Variants in ELOVL6 observed in about 807,000 individuals in gnomAD.
The protein encoded by ELOVL6 is ELOVL fatty acid elongase 6, also known as very long chain fatty acid elongase 6.
ELOVL6 carries 8 observed loss-of-function variants against 31.7 expected under a neutral mutation model. The observed-to-expected ratio is 0.25, with a 90% CI of 0.15 to 0.45. The LOEUF is 0.45. Ranked by LOEUF, ELOVL6 falls within the 20% of genes least tolerant of loss-of-function variation. The probability of loss-of-function intolerance (pLI) is 1.00; values close to 1 mark genes in which losing one functional copy is unlikely to be tolerated. For synonymous variants in ELOVL6, 101 were observed against 117.7 expected, an observed-to-expected ratio of 0.86 and a Z score of 0.92; for missense variants, 126 against 326.4, an observed-to-expected ratio of 0.39 and a Z score of 4.73.
intron 1 of ELOVL6, among the ~76,000 whole-genome samples, chr4:110,160,264 C>T (rs1474230321): frequency 6.6e-6 from 1 of 152,130 alleles, no homozygotes; most frequent in African/African-American, 2.4e-5. Context: ...TCTCCTTGGC[C>T]TTGAATTTCA....
chr4:110,084,332 T>C (rs1223103798), intron 2 of ELOVL6, among the ~76,000 whole-genome samples: 1 of 134,672 alleles, frequency 7.4e-6, no homozygotes, highest in Admixed American at 8.0e-5. Context: ...ATTTGATATA[T>C]ATCACATATA....
chr4:110,071,011 C>T (rs1208482312), intron 2 of ELOVL6, among the ~76,000 whole-genome samples: 1 of 152,106 alleles, frequency 6.6e-6, no homozygotes, highest in Non-Finnish European at 1.5e-5. Flanking sequence ...TGTATAGAGT[C>T]TTCCCCCAAC....
At chr4:110,102,446 G>A (rs1303411376) in intron 2 of ELOVL6, among the ~76,000 whole-genome samples, 3 of 152,114 alleles carry the variant, frequency 2.0e-5, no homozygotes, top group African/African-American at 7.2e-5. Context: ...GAATGGTAAA[G>A]ATTGTTTGTG....
intron 2 of ELOVL6, among the ~76,000 whole-genome samples, chr4:110,098,663 C>T (rs945629847): frequency 1.3e-5 from 2 of 151,996 alleles, no homozygotes; most frequent in African/African-American, 2.4e-5. Flanking sequence ...GTAGTATTAA[C>T]GAGTTTTTAA....
At chr4:110,181,787 G>A (rs921526514) in intron 1 of ELOVL6, among the ~76,000 whole-genome samples, 3 of 152,210 alleles carry the variant, frequency 2.0e-5, no homozygotes, top group Non-Finnish European at 4.4e-5. Context: ...TCACAAAGCA[G>A]TCCTGTGGAA....
At chr4:110,141,553 T>G (rs1316843444) in intron 1 of ELOVL6, among the ~76,000 whole-genome samples, 1 of 151,588 alleles carries the variant, frequency 6.6e-6, no homozygotes, top group African/African-American at 2.4e-5. Flanking sequence ...CTACAGATGA[T>G]GGAGAAAAAC....
chr4:110,075,159 G>A (rs1338432735), intron 2 of ELOVL6, among the ~76,000 whole-genome samples: 1 of 152,160 alleles, frequency 6.6e-6, no homozygotes, highest in Non-Finnish European at 1.5e-5. Context: ...GAACCCATGT[G>A]CACTGTTGGA....
chr4:110,065,052 C>T (rs1755257047), intron 2 of ELOVL6, among the ~76,000 whole-genome samples: 1 of 152,130 alleles, frequency 6.6e-6, no homozygotes, highest in South Asian at 2.1e-4. Context: ...GGGGAGGGGG[C>T]AGTTTCTACA....
At chr4:110,154,471 T>C (rs1001244670) in intron 1 of ELOVL6, among the ~76,000 whole-genome samples, 1 of 152,070 alleles carries the variant, frequency 6.6e-6, no homozygotes, top group Non-Finnish European at 1.5e-5. Context: ...GCCAGGCTGG[T>C]CGTGAACTCC....
chr4:110,192,226 A>T (rs1047740636), intron 1 of ELOVL6, among the ~76,000 whole-genome samples: 1 of 152,056 alleles, frequency 6.6e-6, no homozygotes. Context: ...AAAAAAAAGA[A>T]AAAGAAAGAT....
chr4:110,053,366 T>C (rs1228947752), intron 3 of ELOVL6, among the ~76,000 whole-genome samples: 1 of 152,236 alleles, frequency 6.6e-6, no homozygotes, highest in Non-Finnish European at 1.5e-5. Context: ...CAAAGAATGC[T>C]GGACTATGGG....
intron 1 of ELOVL6, among the ~76,000 whole-genome samples, chr4:110,180,581 T>C (rs1250177839): frequency 6.6e-6 from 1 of 152,158 alleles, no homozygotes; most frequent in East Asian, 1.9e-4. Flanking sequence ...ATTTTTTTAA[T>C]AAAGCAAGAT....
chr4:110,092,530 T>C (rs1370170018), intron 2 of ELOVL6, among the ~76,000 whole-genome samples: 2 of 152,216 alleles, frequency 1.3e-5, no homozygotes, highest in Non-Finnish European at 2.9e-5. Context: ...ATGTGGACTA[T>C]CAGGGGAAGG....
At chr4:110,117,903 A>AAATT in intron 1 of ELOVL6, 10 of 6,496 alleles carry the variant, frequency 1.5e-3, no homozygotes, top group African/African-American at 3.3e-3. Flanking sequence ...AAAAAAAAAA[A>AAATT]ATATATATAT....
chr4:110,097,032 G>T (rs563823968), intron 2 of ELOVL6, among the ~76,000 whole-genome samples: 2 of 152,214 alleles, frequency 1.3e-5, no homozygotes, highest in African/African-American at 4.8e-5. Flanking sequence ...ACATGGCTGG[G>T]CGCAGTGGCT....
At chr4:110,140,728 T>C (rs1427122770) in intron 1 of ELOVL6, among the ~76,000 whole-genome samples, 2 of 151,492 alleles carry the variant, frequency 1.3e-5, no homozygotes, top group Non-Finnish European at 2.9e-5. Flanking sequence ...TCAATGACTA[T>C]TTGTTAATTG....
At chr4:110,153,215 T>C (rs1758328999) in intron 1 of ELOVL6, among the ~76,000 whole-genome samples, 1 of 152,200 alleles carries the variant, frequency 6.6e-6, no homozygotes, top group Non-Finnish European at 1.5e-5. Flanking sequence ...GATTTAATAA[T>C]AATAGTGAAA....
chr4:110,073,628 A>G (rs1054669516), intron 2 of ELOVL6, among the ~76,000 whole-genome samples: 1 of 152,114 alleles, frequency 6.6e-6, no homozygotes, highest in African/African-American at 2.4e-5. Context: ...CATTTCCTCC[A>G]AGGAGAACGT....
chr4:110,058,037 T>G (rs558520792), intron 3 of ELOVL6, among the ~76,000 whole-genome samples: 1 of 152,250 alleles, frequency 6.6e-6, no homozygotes, highest in Non-Finnish European at 1.5e-5. Flanking sequence ...TTTGCAGGCA[T>G]TGTCTGTAAA....
Sources: gnomAD v4.1 joint callset for allele counts (sites outside exome capture counted in the v4.1 genomes callset) on GRCh38, gnomAD v4.1.1 for gene constraint, MANE v1.5 for transcripts, NCBI Gene and HGNC (gene_info 2026-07-23, HGNC 2026-07-21) for gene names.